ADK: variants seen among roughly 807,000 people sequenced by gnomAD.
The protein encoded by ADK is adenosine kinase.
Under a neutral mutation model 44.7 loss-of-function variants are expected in ADK, and 24 were observed. The observed-to-expected ratio is 0.54, with a 90% CI of 0.39 to 0.76. ADK has a LOEUF of 0.76. Among genes scored for constraint, ADK ranks in the 30% least tolerant of loss-of-function variants. ADK has a pLI of 0.00. For missense variants in ADK, 321 were observed against 425.1 expected (o/e 0.76, Z 2.15); for synonymous variants, 128 against 142.6 (o/e 0.90, Z 0.73).
chr10:74,516,518 CTTTTCTTTTCT>C (rs1431277389), intron 6 of ADK, among the ~76,000 whole-genome samples: 6 of 121,600 alleles, frequency 4.9e-5, no homozygotes, highest in Non-Finnish European at 1.1e-4. Flanking sequence ...CTTTTCTTTT[CTTTTCTTTTCT>C]TTTTTTTTTT....
chr10:74,214,013 G>A (rs1843927064), intron 2 of ADK, among the ~76,000 whole-genome samples: 1 of 152,084 alleles, frequency 6.6e-6, no homozygotes, highest in South Asian at 2.1e-4. Flanking sequence ...AATACAAAGA[G>A]TATAGTTCTA....
At chr10:74,185,891 A>G (rs1229156591) in intron 1 of ADK, among the ~76,000 whole-genome samples, 1 of 143,830 alleles carries the variant, frequency 7.0e-6, no homozygotes, top group Non-Finnish European at 1.5e-5. Flanking sequence ...TCTGTTGCCC[A>G]GGCTGGAGTG....
At chr10:74,554,581 T>G (rs548856973) in intron 7 of ADK, among the ~76,000 whole-genome samples, 6 of 152,296 alleles carry the variant, frequency 3.9e-5, no homozygotes, top group African/African-American at 1.4e-4. Flanking sequence ...CTTAGAACAT[T>G]GTCATTGACT....
intron 3 of ADK, among the ~76,000 whole-genome samples, chr10:74,245,223 A>G (rs947183222): frequency 8.5e-5 from 13 of 152,160 alleles, no homozygotes; most frequent in Non-Finnish European, 1.2e-4. Context: ...GCATCTCTCT[A>G]TAGGCCAGTA....
At chr10:74,298,549 T>G (rs1444881185) in intron 3 of ADK, among the ~76,000 whole-genome samples, 1 of 152,074 alleles carries the variant, frequency 6.6e-6, no homozygotes, top group Admixed American at 6.6e-5. Flanking sequence ...GCCCAGGCGT[T>G]CAAGACCAGC....
chr10:74,552,508 A>T (rs1850070112), intron 7 of ADK, among the ~76,000 whole-genome samples: 1 of 152,106 alleles, frequency 6.6e-6, no homozygotes, highest in Non-Finnish European at 1.5e-5. Context: ...AAATGTTCTA[A>T]AACTGGATTG....
rs1848017629 is a variant in ADK, at chr10:74,505,145, A to G, written c.556-20111A>G. ...CAGAAGAGGTAGGCATACTCAGTGT[A>G]ACTTTACAGAAATACGTTGTAATTT... On this transcript the variant is annotated intron_variant, in intron 6 of 10. Transcript: ENST00000539909. Among the ~76,000 whole-genome samples, 3 of 152,126 alleles carry G rather than the reference A, an allele frequency of 2.0e-5. 1 individual carries two copies. Among genetic ancestry groups the G allele is most frequent in the South Asian group, 4.1e-4 (2 of 4,822 alleles).
rs1846378639 is a variant in ADK at position 74,270,300 on chromosome 10, C to T, written c.195-44367C>T. On this transcript the variant is annotated intron_variant, in intron 3 of 10. Coordinates refer to ENST00000539909, the MANE Select transcript of ADK (RefSeq NM_006721.4). ...TACATTTAAAGATAACTGTAATAAA[C>T]CCAGTATTTGCTAGCATAAACACAT... Among the ~76,000 whole-genome samples the T allele has an allele frequency of 2.0e-5, 3 of 152,040 alleles. No individual in the cohort carries two copies. In the South Asian group the frequency reaches 6.2e-4, roughly 32 times the overall value.
chr10:74,353,729 G>C (rs922198087), intron 4 of ADK, among the ~76,000 whole-genome samples: 1 of 152,050 alleles, frequency 6.6e-6, no homozygotes, highest in East Asian at 1.9e-4. Context: ...TTAGCCAGGC[G>C]TGGTGGCGGG....
intron 6 of ADK, among the ~76,000 whole-genome samples, chr10:74,511,307 C>G (rs1346285870): frequency 1.3e-5 from 2 of 152,096 alleles, no homozygotes; most frequent in Non-Finnish European, 1.5e-5. Flanking sequence ...GTACCTCCAG[C>G]TTTGTTCTTT....
intron 6 of ADK, among the ~76,000 whole-genome samples, chr10:74,482,537 C>G (rs764977983): frequency 2.1e-4 from 32 of 152,200 alleles, no homozygotes; most frequent in Non-Finnish European, 1.2e-4. Context: ...ATCATCCCTT[C>G]CCAACAGTCC....
intron 4 of ADK, among the ~76,000 whole-genome samples, chr10:74,320,125 C>T (rs1275316395): frequency 6.6e-6 from 1 of 152,170 alleles, no homozygotes; most frequent in Non-Finnish European, 1.5e-5. Flanking sequence ...GAAGGACTCT[C>T]TTTAGCATTT....
chr10:74,328,633 A>T (rs1009830452), intron 4 of ADK, among the ~76,000 whole-genome samples: 4 of 151,998 alleles, frequency 2.6e-5, no homozygotes, highest in African/African-American at 4.8e-5. Context: ...GTTCTTACAA[A>T]TCTGATGGTT....
chr10:74,163,855 G>A (rs1841965514), intron 1 of ADK, among the ~76,000 whole-genome samples: 7 of 152,144 alleles, frequency 4.6e-5, no homozygotes, highest in Admixed American at 4.6e-4. Context: ...TAAATAGTTT[G>A]TTGTTTTATA....
intron 7 of ADK, among the ~76,000 whole-genome samples, chr10:74,563,940 T>C (rs1460772351): frequency 6.6e-6 from 1 of 152,112 alleles, no homozygotes; most frequent in Non-Finnish European, 1.5e-5. Context: ...ATGTGCACAA[T>C]GTGCAGGTTA....
At chr10:74,187,364 A>G (rs1225898518) in intron 1 of ADK, among the ~76,000 whole-genome samples, 1 of 152,156 alleles carries the variant, frequency 6.6e-6, no homozygotes, top group Non-Finnish European at 1.5e-5. Flanking sequence ...TGCTATAAAC[A>G]TTTATGTACA....
intron 7 of ADK, 141 bp downstream of exon 7, chr10:74,525,567 C>A: frequency 7.0e-6 from 5 of 714,870 alleles, no homozygotes; most frequent in Non-Finnish European, 1.1e-5. Flanking sequence ...AACAAAATTG[C>A]CTCAATGTCA....
intron 6 of ADK, among the ~76,000 whole-genome samples, chr10:74,476,354 G>C (rs200598741): frequency 6.6e-6 from 1 of 151,908 alleles, no homozygotes; most frequent in African/African-American, 2.4e-5. Flanking sequence ...TTAGCCGGGC[G>C]TAGTGACACA....
chr10:74,426,766 C>G (rs1844810074), intron 6 of ADK, among the ~76,000 whole-genome samples: 1 of 151,958 alleles, frequency 6.6e-6, no homozygotes, highest in African/African-American at 2.4e-5. Flanking sequence ...TGTAAACAAA[C>G]AAGTGAACTT....
Sources: allele counts gnomAD v4.1 joint callset (sites outside exome capture counted in the v4.1 genomes callset), GRCh38; gene constraint gnomAD v4.1.1; transcripts MANE v1.5; gene names NCBI Gene and HGNC (gene_info 2026-07-23, HGNC 2026-07-21).